The following APLP2 variants were observed in gnomAD, a reference collection of about 807,000 sequenced individuals.
APLP2 encodes amyloid beta precursor like protein 2, also known as CDEI box-binding protein.
In APLP2, 53 loss-of-function variants were observed where a neutral mutation model predicts 89.9. The ratio of observed to expected loss-of-function variants is 0.59; its 90% CI spans 0.47 to 0.74. The LOEUF is 0.74. APLP2 is among the 30% of genes least tolerant of loss of function. The probability of loss-of-function intolerance (pLI) is 0.00; values close to 1 mark genes in which losing one functional copy is unlikely to be tolerated. For synonymous variants in APLP2, 372 were observed against 348.6 expected, an observed-to-expected ratio of 1.07 and a Z score of -0.75; for missense variants, 973 against 975.9, an observed-to-expected ratio of 1.00 and a Z score of 0.04.
At chr11:130,077,918 TTGAG>T (rs897797070) in intron 1 of APLP2, among the ~76,000 whole-genome samples, 1 of 152,176 alleles carries the variant, frequency 6.6e-6, no homozygotes, top group Non-Finnish European at 1.5e-5. Context: ...TTGAAAGCCC[TTGAG>T]TATTTTTGAG....
At chr11:130,126,586 T>TA in intron 7 of APLP2, 114 bp from the exon 8 acceptor site, 1 of 1,272,152 alleles carries the variant, frequency 7.9e-7, no homozygotes, top group Non-Finnish European at 1.1e-6. Context: ...ACCCTGCACT[T>TA]AGAGAATGCC....
At chr11:130,133,994 A>C (rs1372876337) in intron 12 of APLP2, among the ~76,000 whole-genome samples, 1 of 152,158 alleles carries the variant, frequency 6.6e-6, no homozygotes, top group Non-Finnish European at 1.5e-5. Flanking sequence ...TGGGGTGTGA[A>C]ATTGCAAGAG....
At position 130,140,401 on chromosome 11, in the gene APLP2, C is replaced by A. The variant is rs759302879; in HGVS notation, c.1841C>A (p.Ser614Tyr). 3 of 1,605,744 alleles carry A rather than the reference C, an allele frequency of 1.9e-6. No homozygotes were observed. In the Admixed American group the frequency reaches 5.1e-5, roughly 27 times the overall value. The change falls in exon 14 of 17, where the codon TCT becomes TAT. Residue 614 changes from serine to tyrosine, a missense_variant. Physicochemically the swap from Ser to Tyr is moderately radical, Grantham distance 144. Coordinates refer to ENST00000338167, the MANE Select transcript of APLP2 (RefSeq NM_001142276.2). ...GCCATGATCTCTCTCCACACAGGAT[C>A]TGGAGTGGGAGAGCAGGATGGGGGA... ...PFPALPENEGSGVGEQDGGLI... is the reference protein window; with the variant it reads ...PFPALPENEGYGVGEQDGGLI...
Position 130,122,480 on chromosome 11 carries a change from A to G in APLP2, c.889A>G (p.Met297Val), listed in dbSNP as rs1158523629. Residue 297 changes from methionine to valine, a missense_variant, in exon 6 of 17, where the codon ATG (methionine) becomes GTG (valine). Coordinates refer to ENST00000338167, the MANE Select transcript of APLP2 (RefSeq NM_001142276.2). ...TACTGAACCCGGCAGCGACGGCACCATGTCAGACAAGGAAATTACTCATGA... is the reference window on the plus strand; with the variant it reads ...TACTGAACCCGGCAGCGACGGCACCGTGTCAGACAAGGAAATTACTCATGA... ...NPTEPGSDGT[M>V]SDKEITHDVK... 3 of 1,613,998 alleles carry G rather than the reference A, an allele frequency of 1.9e-6. No individual in the cohort carries two copies. The highest frequency in any genetic ancestry group is 2.2e-5 in the East Asian group (1 of 44,896).
chr11:130,089,840 G>A (rs1304980876), intron 1 of APLP2, among the ~76,000 whole-genome samples: 2 of 152,188 alleles, frequency 1.3e-5, no homozygotes. Flanking sequence ...ATGTCTGTCT[G>A]TTCACATTTC....
intron 1 of APLP2, among the ~76,000 whole-genome samples, chr11:130,077,231 A>G (rs1942292549): frequency 6.6e-6 from 1 of 152,240 alleles, no homozygotes. Context: ...TAGATCTGGG[A>G]TAATGCTATC....
chr11:130,130,696 TA>T (rs1950846472), intron 11 of APLP2, among the ~76,000 whole-genome samples: 1 of 152,246 alleles, frequency 6.6e-6, no homozygotes, highest in Non-Finnish European at 1.5e-5. Context: ...AGCTTCCGTT[TA>T]AACCAGGAAG....
rs1286865801 is a variant in APLP2 at position 130,123,377 on chromosome 11, T to A, written c.923-235T>A. On this transcript the variant is annotated intron_variant, in intron 6 of 16. Coordinates refer to ENST00000338167, the MANE Select transcript of APLP2 (RefSeq NM_001142276.2). The surrounding 1 kb of genome is among the most constrained non-coding windows in gnomAD (Gnocchi z 4.0). The stretch of plus-strand genomic sequence containing the variant: ...CGTCAATCTAAACTCAGATCTAGAC[T>A]CCAGAGGGTGCCAAAAAAATATTTA... Among the ~76,000 whole-genome samples, 13 of 152,218 alleles carry A rather than the reference T, an allele frequency of 8.5e-5. No homozygotes were observed. The highest frequency in any genetic ancestry group is 8.5e-4 in the Admixed American group (13 of 15,288).
intron 3 of APLP2, among the ~76,000 whole-genome samples, chr11:130,113,463 C>G (rs1948827445): frequency 6.6e-6 from 1 of 152,148 alleles, no homozygotes; most frequent in African/African-American, 2.4e-5. Context: ...TTCATGTTTA[C>G]CCCAGCATCC....
At position 130,121,787 on chromosome 11, in the gene APLP2, G is replaced by T. The variant is rs767877572; in HGVS notation, c.690G>T (p.Glu230Asp). 2.5e-6 allele frequency: 4 copies of T among 1,612,664 alleles called. No homozygotes were observed. Among genetic ancestry groups the T allele is most frequent in the South Asian group, 1.1e-5 (1 of 91,052 alleles). Residue 230 changes from glutamate to aspartate, a missense_variant, in exon 5 of 17, where the codon GAG (glutamate) becomes GAT (aspartate). Physicochemically the swap from Glu to Asp is conservative, Grantham distance 45. Coordinates refer to ENST00000338167, the MANE Select transcript of APLP2 (RefSeq NM_001142276.2). ...DEEEEEEEDEEEDYDVYKSEF... is the reference protein window; with the variant it reads ...DEEEEEEEDEDEDYDVYKSEF... The stretch of plus-strand genomic sequence containing the variant: ...AGGAAGAGGAAGAGGAAGATGAAGA[G>T]GAAGACTATGATGTTTATAAAAGGT...
rs189957580 is a variant in APLP2, at chr11:130,116,565, G to A, written c.404-4141G>A. On this transcript the variant is annotated intron_variant, in intron 3 of 16. Coordinates refer to ENST00000338167, the MANE Select transcript of APLP2 (RefSeq NM_001142276.2). ...CAGTGGCGCGATCTTGGCTGACTGCGGCCTTGGTCCTGCGTGTCCCCCTTT... is the reference window on the plus strand; with the variant it reads ...CAGTGGCGCGATCTTGGCTGACTGCAGCCTTGGTCCTGCGTGTCCCCCTTT... Among the ~76,000 whole-genome samples, 461 of 151,874 alleles carry A rather than the reference G, an allele frequency of 3.0e-3. 2 individuals are homozygous for A. Among genetic ancestry groups the A allele is most frequent in the African/African-American group, 0.011 (439 of 41,430 alleles).
chr11:130,103,231 A>AG (rs1344982127), intron 1 of APLP2, among the ~76,000 whole-genome samples: 1 of 152,230 alleles, frequency 6.6e-6, no homozygotes, highest in East Asian at 1.9e-4. Flanking sequence ...CACCCTAGGT[A>AG]GGGTTGGGGT....
At chr11:130,091,829 C>CCG (rs1413611214) in intron 1 of APLP2, among the ~76,000 whole-genome samples, 1 of 149,670 alleles carries the variant, frequency 6.7e-6, no homozygotes, top group African/African-American at 2.5e-5. Flanking sequence ...TGACCCCCCC[C>CCG]CACCTCCCTC....
chr11:130,085,756 C>T (rs1220551460), intron 1 of APLP2, among the ~76,000 whole-genome samples: 1 of 152,184 alleles, frequency 6.6e-6, no homozygotes, highest in Non-Finnish European at 1.5e-5. Flanking sequence ...TCCCCTGGAT[C>T]CCCCAGCCCC....
intron 13 of APLP2, chr11:130,137,344 A>C: frequency 6.8e-7 from 1 of 1,480,352 alleles, no homozygotes; most frequent in Non-Finnish European, 9.5e-7. Context: ...TCCACTCCCT[A>C]GTGTGTCCGA....
In APLP2 at chr11:130,141,630, G is replaced by A. The variant is rs957497024; in HGVS notation, c.1998+58G>A. The stretch of plus-strand genomic sequence containing the variant: ...TGCCAATCTTAGGTATTTCTCCTCT[G>A]GACCTTCTCAGTTCAAGTAGAAAAC... On this transcript the variant is annotated intron_variant, in intron 15 of 16. Coordinates refer to ENST00000338167, the MANE Select transcript of APLP2 (RefSeq NM_001142276.2). This position sits in a 1 kb window ranked among gnomAD's most constrained non-coding sequence, Gnocchi z 4.2. The A allele has an allele frequency of 1.3e-6, 2 of 1,482,230 alleles. No individual in the cohort carries two copies. Among genetic ancestry groups the A allele is most frequent in the African/African-American group, 1.4e-5 (1 of 72,024 alleles). 91.8% of individuals were successfully genotyped at this position (1,482,230 alleles called of 1,614,324 possible).
intron 1 of APLP2, 93 bp downstream of exon 1, chr11:130,070,175 C>T (rs992506765): frequency 3.7e-6 from 3 of 803,856 alleles, no homozygotes; most frequent in African/African-American, 1.8e-5. Context: ...GCAGGGCGGG[C>T]CGGCGGTGCG....
chr11:130,084,727 T>A (rs926620571), intron 1 of APLP2, among the ~76,000 whole-genome samples: 4 of 147,830 alleles, frequency 2.7e-5, no homozygotes, highest in Admixed American at 2.7e-4. Context: ...ATTAAAAAAA[T>A]AAGAAAGATC....
chr11:130,123,544 C>G lies in APLP2; in HGVS notation c.923-68C>G. 1 of 1,522,844 alleles carries G rather than the reference C, an allele frequency of 6.6e-7. No individual in the cohort carries two copies. Among genetic ancestry groups the G allele is most frequent in the African/African-American group, 1.4e-5 (1 of 72,950 alleles). The allele number at this position is 1,522,844 out of a possible 1,614,324, so 94.3% of individuals were successfully genotyped here. A position where few individuals can be genotyped will look rare whatever the true frequency, so the allele number is the denominator to read the frequency against. On this transcript the variant is annotated intron_variant, in intron 6 of 16. Transcript: ENST00000338167. This position sits in a 1 kb window ranked among gnomAD's most constrained non-coding sequence, Gnocchi z 4.0. Reference sequence around the variant, plus strand: ...CCAGCCCATCCCCCAGCTCGCCAGCCTGTAGCATTTTGAAGCATTTGACGT... The same window carrying G: ...CCAGCCCATCCCCCAGCTCGCCAGCGTGTAGCATTTTGAAGCATTTGACGT...
Sources: gnomAD v4.1 joint callset for allele counts (sites outside exome capture counted in the v4.1 genomes callset) on GRCh38, gnomAD v4.1.1 for gene constraint, Gnocchi (gnomAD v3.1) non-coding constraint, MANE v1.5 for transcripts, NCBI Gene and HGNC (gene_info 2026-07-23, HGNC 2026-07-21) for gene names.